INSC: variants seen among roughly 807,000 people sequenced by gnomAD.
INSC encodes the protein protein inscuteable homolog.
INSC carries 67 observed loss-of-function variants against 58.6 expected under a neutral mutation model. That is an observed-to-expected ratio of 1.14 (90% CI 0.94 to 1.40). The LOEUF is 1.40. INSC is among the 40% of genes most tolerant of loss of function. The pLI, the probability that INSC is intolerant of heterozygous loss-of-function variation, is 0.00. For synonymous variants in INSC, 262 were observed against 276.1 expected, an observed-to-expected ratio of 0.95 and a Z score of 0.51; for missense variants, 714 against 692.0, an observed-to-expected ratio of 1.03 and a Z score of -0.36.
intron 5 of INSC, among the ~76,000 whole-genome samples, chr11:15,179,014 G>A (rs558508810): frequency 6.6e-6 from 1 of 152,308 alleles, no homozygotes; most frequent in East Asian, 1.9e-4. Flanking sequence ...AGATCATATA[G>A]TCTAGCCCCT....
intron 6 of INSC, 87 bp from the exon 7 acceptor site, chr11:15,200,737 T>G (rs1029282432): frequency 6.3e-7 from 1 of 1,581,452 alleles, no homozygotes; most frequent in African/African-American, 1.3e-5. Context: ...AAAGCATATC[T>G]GGCGAATCAG....
At chr11:15,131,849 T>C (rs1249060624) in intron 1 of INSC, among the ~76,000 whole-genome samples, 1 of 152,146 alleles carries the variant, frequency 6.6e-6, no homozygotes, top group East Asian at 1.9e-4. Flanking sequence ...TAGGGATATG[T>C]CTTGTAGCTA....
chr11:15,246,003 T>C lies in INSC; in HGVS notation c.1562T>C (p.Phe521Ser). ...GTCCAGCCTCGGCTGGTGGACTCCT[T>C]CTTACTCTGCAGCAACATGGAGGAG... ...QLVQPRLVDS[F>S]LLCSNMEESF... The change falls in exon 13 of 13, where the codon TTC becomes TCC. Residue 521 changes from phenylalanine to serine, a missense_variant. Phe to Ser is a radical substitution (Grantham distance 155). Transcript: ENST00000379556. 1 of 1,614,198 alleles carries C rather than the reference T, an allele frequency of 6.2e-7. No homozygotes were observed. The highest frequency in any genetic ancestry group is 1.3e-5 in the African/African-American group (1 of 75,056).
intron 2 of INSC, among the ~76,000 whole-genome samples, chr11:15,158,682 C>A (rs1375844982): frequency 2.2e-5 from 3 of 136,746 alleles, no homozygotes; most frequent in Non-Finnish European, 5.0e-5. Context: ...ACCATGTGAC[C>A]TCTCCAAACA....
rs761535584 is a variant in INSC, at chr11:15,225,683, T to C, written c.1025T>C (p.Phe342Ser). 1 of 1,614,204 alleles carries C rather than the reference T, an allele frequency of 6.2e-7. No individual in the cohort carries two copies. The highest frequency in any genetic ancestry group is 8.5e-7 in the Non-Finnish European group (1 of 1,180,032). Residue 342 changes from phenylalanine to serine, a missense_variant, in exon 9 of 13, where the codon TTC (phenylalanine) becomes TCC (serine). Phe to Ser is a radical substitution (Grantham distance 155). Transcript: ENST00000379556. The stretch of plus-strand genomic sequence containing the variant: ...CAAGAGGCCTCATCAGGGGAAGTCT[T>C]CCTACTGGCCTCTGCGGCCCTTGCC... ...LCQEASSGEV[F>S]LLASAALANI...
chr11:15,195,112 G>A (rs1055044140), intron 6 of INSC, among the ~76,000 whole-genome samples: 3 of 152,110 alleles, frequency 2.0e-5, no homozygotes, highest in African/African-American at 7.2e-5. Context: ...AGATAGCATT[G>A]GATCTGTTTT....
At chr11:15,154,801 C>G (rs1407363811) in intron 2 of INSC, among the ~76,000 whole-genome samples, 1 of 130,364 alleles carries the variant, frequency 7.7e-6, no homozygotes. Context: ...ATGCTTTTGT[C>G]CCTTTTTTTT....
downstream of INSC, among the ~76,000 whole-genome samples, chr11:15,251,093 A>G (rs1182809003): frequency 2.0e-5 from 3 of 152,212 alleles, no homozygotes; most frequent in Non-Finnish European, 4.4e-5. Flanking sequence ...GTATTCTTAA[A>G]GACCAGCAGC....
At chr11:15,123,317 A>G (rs1480321828) in intron 1 of INSC, among the ~76,000 whole-genome samples, 4 of 152,198 alleles carry the variant, frequency 2.6e-5, no homozygotes, top group East Asian at 1.9e-4. Context: ...CTATATGATG[A>G]TGAGCTCTGT....
intron 9 of INSC, among the ~76,000 whole-genome samples, chr11:15,230,224 G>A (rs1398502429): frequency 6.7e-6 from 1 of 150,160 alleles, no homozygotes; most frequent in Non-Finnish European, 1.5e-5. Context: ...CCTAAGACTG[G>A]GTAATTTGTA....
At chr11:15,180,690 G>T (rs1849741378) in intron 5 of INSC, among the ~76,000 whole-genome samples, 1 of 96,402 alleles carries the variant, frequency 1.0e-5, no homozygotes, top group South Asian at 5.4e-4. Context: ...AGTGAGGGGG[G>T]GGGCGGGGGG....
intron 1 of INSC, among the ~76,000 whole-genome samples, chr11:15,119,715 A>G (rs1847821619): frequency 6.6e-6 from 1 of 152,242 alleles, no homozygotes; most frequent in Non-Finnish European, 1.5e-5. Context: ...GTTGAGGGAC[A>G]GAACAATTGG....
the INSC span, among the ~76,000 whole-genome samples, chr11:15,267,608 T>C: frequency 6.6e-6 from 1 of 151,982 alleles, no homozygotes; most frequent in Non-Finnish European, 1.5e-5. Context: ...AATATACCTA[T>C]CATGTCTTCA....
chr11:15,117,769 A>G (rs1477419176), intron 1 of INSC, among the ~76,000 whole-genome samples: 1 of 152,164 alleles, frequency 6.6e-6, no homozygotes, highest in Non-Finnish European at 1.5e-5. Context: ...TTTTCAACTC[A>G]TATGTCTCAA....
intron 1 of INSC, among the ~76,000 whole-genome samples, chr11:15,122,659 C>A (rs533765582): frequency 6.6e-6 from 1 of 152,150 alleles, no homozygotes; most frequent in African/African-American, 2.4e-5. Context: ...ATATCCAATC[C>A]GTCCCCATAT....
At position 15,219,425 on chromosome 11, in the gene INSC, A is replaced by G. The variant is rs927957649; in HGVS notation, c.820-2052A>G. On this transcript the variant is annotated intron_variant, in intron 7 of 12. Transcript: ENST00000379556. ...TTTGTAGATGTGAATCACCTCCCCA[A>G]CTGCAGTGGACACTGTTCCCAGCAC... 5.3e-5 allele frequency among the ~76,000 whole-genome samples: 8 copies of G among 152,040 alleles called. 1 individual carries two copies. The highest frequency in any genetic ancestry group is 4.2e-4 in the South Asian group (2 of 4,802).
the INSC span, among the ~76,000 whole-genome samples, chr11:15,261,043 T>C: frequency 6.6e-6 from 1 of 152,194 alleles, no homozygotes; most frequent in Non-Finnish European, 1.5e-5. Flanking sequence ...GATAGTGTGT[T>C]CTTGCATGAC....
In INSC at chr11:15,204,317, C is replaced by T. The variant is rs547898847; in HGVS notation, c.819+3368C>T. ...CCCAGGCAGTAATGTAATTCCAGCT[C>T]TGCTGGGCCAGAGCCAGCCTGGGCT... On this transcript the variant is annotated intron_variant, in intron 7 of 12. Transcript: ENST00000379556. Among the ~76,000 whole-genome samples the T allele has an allele frequency of 4.2e-3, 639 of 152,368 alleles. 2 individuals are homozygous for T. The highest frequency in any genetic ancestry group is 0.015 in the African/African-American group (611 of 41,592).
the INSC span, among the ~76,000 whole-genome samples, chr11:15,265,509 G>A: frequency 1.3e-5 from 2 of 150,740 alleles, no homozygotes; most frequent in African/African-American, 2.4e-5. Context: ...TTTTTTTCTA[G>A]AGTCAGCTTG....
Sources: gnomAD v4.1 joint callset for allele counts (sites outside exome capture counted in the v4.1 genomes callset) on GRCh38, gnomAD v4.1.1 for gene constraint, MANE v1.5 for transcripts, NCBI Gene and HGNC (gene_info 2026-07-23, HGNC 2026-07-21) for gene names.